The following HNRNPLL variants were observed in gnomAD, a reference collection of about 807,000 sequenced individuals.
HNRNPLL encodes the protein heterogeneous nuclear ribonucleoprotein L like, also known as heterogeneous nuclear ribonucleoprotein L-like.
A neutral mutation model predicts 67.1 loss-of-function variants in HNRNPLL; 25 were observed. That is an observed-to-expected ratio of 0.37 (90% confidence interval 0.27 to 0.52). The LOEUF (loss-of-function observed/expected upper bound fraction) is 0.52. Ranked by LOEUF, HNRNPLL falls within the 20% of genes least tolerant of loss-of-function variation. The probability of loss-of-function intolerance (pLI) is 0.90; values close to 1 mark genes in which losing one functional copy is unlikely to be tolerated. For synonymous variants in HNRNPLL, 267 were observed against 241.7 expected (o/e 1.10, Z -0.97); for missense variants, 542 against 673.9 (o/e 0.80, Z 2.17).
intron 6 of HNRNPLL, among the ~76,000 whole-genome samples, chr2:38,580,489 G>T (rs924269850): frequency 6.6e-6 from 1 of 152,048 alleles, no homozygotes; most frequent in African/African-American, 2.4e-5. Flanking sequence ...TTTTCTTTTT[G>T]CTAGAGTACA....
Position 38,573,336 on chromosome 2 carries a change from A to T in HNRNPLL, c.966T>A (p.Ala322=). 6.2e-7 allele frequency: 1 copy of T among 1,612,484 alleles called. No individual in the cohort carries two copies. The highest frequency in any genetic ancestry group is 1.1e-5 in the South Asian group (1 of 90,984). ...PELVAYPLPQ[A]SSSYMHGGNP... is the part of the protein sequence containing the mutation. ...TTCCTCCATGCATGTAAGAGGAAGA[A>T]GCCTGTGGTAATGGATAAGCAACAA... Residue 322 remains alanine, a synonymous_variant, in exon 8 of 13, where the codon GCT becomes GCA. Transcript: ENST00000449105.
chr2:38,580,836 C>T (rs1666499583), intron 6 of HNRNPLL, among the ~76,000 whole-genome samples: 1 of 152,166 alleles, frequency 6.6e-6, no homozygotes, highest in Non-Finnish European at 1.5e-5. Flanking sequence ...CTTGAACAGA[C>T]ATGTTACTTT....
intron 2 of HNRNPLL, among the ~76,000 whole-genome samples, chr2:38,590,868 A>G (rs1666933132): frequency 2.0e-5 from 3 of 152,116 alleles, no homozygotes; most frequent in Non-Finnish European, 4.4e-5. Flanking sequence ...ACCCGGGCAT[A>G]GTGACATGCG....
chr2:38,578,248 A>C (rs945274116), intron 6 of HNRNPLL, among the ~76,000 whole-genome samples: 16 of 152,080 alleles, frequency 1.1e-4, no homozygotes, highest in Non-Finnish European at 2.4e-4. Flanking sequence ...AATACTCTAA[A>C]GGATAATTTT....
chr2:38,589,932 A>G (rs539536919), intron 2 of HNRNPLL, among the ~76,000 whole-genome samples: 6 of 152,336 alleles, frequency 3.9e-5, no homozygotes, highest in African/African-American at 1.4e-4. Context: ...TGCCACTTAT[A>G]TAATCATTAG....
Position 38,583,935 on chromosome 2 carries a change from GA to G in HNRNPLL, c.547-10del. The stretch of plus-strand genomic sequence containing the variant: ...ACAGTATATAAAACATCCTATGAAG[GA>G]AAAGAAAAAGATTTCTTCACACTTT... On this transcript the variant is annotated splice_polypyrimidine_tract_variant and intron_variant, in intron 3 of 12. Transcript: ENST00000449105. 7.7e-7 allele frequency: 1 copy of G among 1,295,668 alleles called. No homozygotes were observed. The highest frequency in any genetic ancestry group is 1.1e-6 in the Non-Finnish European group (1 of 937,980). 80.3% of individuals were successfully genotyped at this position (1,295,668 alleles called of 1,614,324 possible). A position where few individuals can be genotyped will look rare whatever the true frequency, so the allele number is the denominator to read the frequency against.
At chr2:38,602,395 G>GGAGCAGCCAGGCACA (rs1311866318) in intron 1 of HNRNPLL, 43 bp downstream of exon 1, 15 of 1,536,128 alleles carry the variant, frequency 9.8e-6, no homozygotes. Context: ...TGCTTCCCGG[G>GGAGCAGCCAGGCACA]GAGCAGCCAG....
At chr2:38,588,025 C>T (rs1442811002) in intron 2 of HNRNPLL, among the ~76,000 whole-genome samples, 1 of 151,986 alleles carries the variant, frequency 6.6e-6, no homozygotes, top group African/African-American at 2.4e-5. Context: ...TGCGTACTTC[C>T]CCTTCACCTT....
At chr2:38,592,604 G>C (rs2148378883) in intron 1 of HNRNPLL, among the ~76,000 whole-genome samples, 1 of 152,300 alleles carries the variant, frequency 6.6e-6, no homozygotes, top group East Asian at 1.9e-4. Flanking sequence ...ATGCCAGGCA[G>C]GATGTTTCAA....
At chr2:38,595,282 AAAAAAAAAAAAAAAAG>A (rs947892336) in intron 1 of HNRNPLL, among the ~76,000 whole-genome samples, 2 of 147,590 alleles carry the variant, frequency 1.4e-5, no homozygotes, top group African/African-American at 5.0e-5. Flanking sequence ...TAAAAAAAAA[AAAAAAAAAAAAAAAAG>A]AAAAGAAAAA....
At chr2:38,572,553 A>C (rs553918194) in intron 8 of HNRNPLL, among the ~76,000 whole-genome samples, 1 of 152,248 alleles carries the variant, frequency 6.6e-6, no homozygotes, top group Non-Finnish European at 1.5e-5. Flanking sequence ...TTCTTTCAAA[A>C]ACTATTTATC....
chr2:38,598,481 C>A (rs1667300724), intron 1 of HNRNPLL, among the ~76,000 whole-genome samples: 1 of 152,198 alleles, frequency 6.6e-6, no homozygotes, highest in Admixed American at 6.5e-5. Context: ...TTTCCTTAAG[C>A]TCATCTGAGT....
intron 7 of HNRNPLL, among the ~76,000 whole-genome samples, chr2:38,575,347 C>T (rs1158410152): frequency 1.3e-5 from 2 of 151,724 alleles, no homozygotes; most frequent in Non-Finnish European, 3.0e-5. Flanking sequence ...TGGAAAAATG[C>T]TACATAAATG....
chr2:38,598,396 T>C (rs1558549095), intron 1 of HNRNPLL, among the ~76,000 whole-genome samples: 1 of 152,164 alleles, frequency 6.6e-6, no homozygotes, highest in Non-Finnish European at 1.5e-5. Context: ...ATCCAGCCAT[T>C]CCTAAAACCA....
At chr2:38,566,021 C>G in intron 12 of HNRNPLL, 1 of 984,370 alleles carries the variant, frequency 1.0e-6, no homozygotes, top group Non-Finnish European at 1.2e-6. Context: ...AATAATGTTC[C>G]CCTATTATTT....
chr2:38,569,919 A>AT lies in HNRNPLL; in HGVS notation c.1098dup (p.Phe367IlefsTer15). On this transcript the variant is annotated frameshift_variant, in exon 9 of 13. Coordinates refer to ENST00000449105, the MANE Select transcript of HNRNPLL (RefSeq NM_138394.4). LOFTEE classifies it high-confidence loss of function. ...GCTGTACCAGGAATGGTCTTCATAAATTTTACCTGTAAACACAAAATTCCA... is the reference window on the plus strand; with the variant it reads ...GCTGTACCAGGAATGGTCTTCATAAATTTTTACCTGTAAACACAAAATTCCA... 6.3e-7 allele frequency: 1 copy of AT among 1,580,720 alleles called. No homozygotes were observed. Among genetic ancestry groups the AT allele is most frequent in the Non-Finnish European group, 8.6e-7 (1 of 1,165,972 alleles).
intron 8 of HNRNPLL, 100 bp from the exon 9 acceptor site, chr2:38,570,025 GGAA>G: frequency 1.3e-6 from 1 of 763,806 alleles, no homozygotes. Flanking sequence ...AGTAAAATAC[GGAA>G]GATCACCTGG....
chr2:38,578,955 C>G (rs1038366417), intron 6 of HNRNPLL, among the ~76,000 whole-genome samples: 2 of 152,058 alleles, frequency 1.3e-5, no homozygotes, highest in Admixed American at 6.6e-5. Context: ...TGGCTTCTAA[C>G]GTCTCTCATC....
intron 3 of HNRNPLL, among the ~76,000 whole-genome samples, chr2:38,584,328 T>G (rs1329934820): frequency 6.6e-6 from 1 of 152,178 alleles, no homozygotes; most frequent in Non-Finnish European, 1.5e-5. Context: ...CCTAAAGAAC[T>G]AAGATTATAG....
Sources: gnomAD v4.1 joint callset for allele counts (sites outside exome capture counted in the v4.1 genomes callset) on GRCh38, gnomAD v4.1.1 for gene constraint, MANE v1.5 for transcripts, NCBI Gene and HGNC (gene_info 2026-07-23, HGNC 2026-07-21) for gene names.